The following CSMD3 variants were observed in gnomAD, a reference collection of about 807,000 sequenced individuals.
CSMD3 encodes the protein CUB and sushi domain-containing protein 3.
CSMD3 carries 177 observed loss-of-function variants against 435.2 expected under a neutral mutation model. The observed-to-expected ratio is 0.41, with a 90% CI of 0.36 to 0.46. The LOEUF (loss-of-function observed/expected upper bound fraction) is 0.46, where lower values mean the gene tolerates loss of function less well. Ranked by LOEUF, CSMD3 falls within the 20% of genes least tolerant of loss-of-function variation. The probability of loss-of-function intolerance (pLI) is 0.34; values close to 1 mark genes in which losing one functional copy is unlikely to be tolerated. For synonymous variants in CSMD3, 1,656 were observed against 1,520.5 expected (o/e 1.09, Z -2.07); for missense variants, 4,265 against 4,504.6 (o/e 0.95, Z 1.52).
intron 2 of CSMD3, among the ~76,000 whole-genome samples, chr8:113,303,513 A>G (rs1476880059): frequency 3.3e-5 from 5 of 151,208 alleles, no homozygotes; most frequent in Admixed American, 1.3e-4. Flanking sequence ...TTCAAACTAT[A>G]CTACAAGGCT....
chr8:113,364,931 C>G (rs1242447288), intron 1 of CSMD3, among the ~76,000 whole-genome samples: 1 of 152,058 alleles, frequency 6.6e-6, no homozygotes, highest in Non-Finnish European at 1.5e-5. Context: ...GCTATTTACT[C>G]TGTTATATTC....
chr8:112,893,758 A>G (rs1460676244), intron 10 of CSMD3, among the ~76,000 whole-genome samples: 1 of 151,428 alleles, frequency 6.6e-6, no homozygotes, highest in Non-Finnish European at 1.5e-5. Flanking sequence ...TCTTACATTC[A>G]GTTTAGTTTC....
chr8:112,448,985 G>A (rs1815959135), intron 32 of CSMD3, among the ~76,000 whole-genome samples: 1 of 152,108 alleles, frequency 6.6e-6, no homozygotes, highest in South Asian at 2.1e-4. Context: ...GATACATGTT[G>A]TTTTGTTTGC....
At chr8:112,870,286 T>G (rs1283264790) in intron 10 of CSMD3, among the ~76,000 whole-genome samples, 4 of 151,396 alleles carry the variant, frequency 2.6e-5, no homozygotes, top group Non-Finnish European at 5.9e-5. Flanking sequence ...TTTTTTTTTT[T>G]GAGACGGGGT....
intron 4 of CSMD3, among the ~76,000 whole-genome samples, chr8:113,147,115 A>G (rs2091693894): frequency 6.6e-6 from 1 of 151,678 alleles, no homozygotes; most frequent in Admixed American, 6.6e-5. Context: ...TATGATTAAA[A>G]TCACTCCCTA....
At chr8:112,545,482 C>CAAAAAAAAAAAAA (rs71566032) in intron 27 of CSMD3, among the ~76,000 whole-genome samples, 1 of 26,886 alleles carries the variant, frequency 3.7e-5, no homozygotes, top group African/African-American at 1.5e-4. Flanking sequence ...GACTCCATCT[C>CAAAAAAAAAAAAA]AAAAAAAAAA....
intron 2 of CSMD3, among the ~76,000 whole-genome samples, chr8:113,291,211 GT>G (rs2132530573): frequency 6.6e-6 from 1 of 151,672 alleles, no homozygotes; most frequent in African/African-American, 2.4e-5. Context: ...TGCAATAAAT[GT>G]TTTGCTGTCT....
intron 4 of CSMD3, among the ~76,000 whole-genome samples, chr8:113,154,415 A>G (rs1200498677): frequency 5.9e-5 from 9 of 152,006 alleles, no homozygotes; most frequent in Non-Finnish European, 1.2e-4. Flanking sequence ...ATGCATCACT[A>G]TCACCTAAAA....
chr8:112,756,769 A>T (rs1335301672), intron 13 of CSMD3, among the ~76,000 whole-genome samples: 9 of 139,928 alleles, frequency 6.4e-5, no homozygotes, highest in South Asian at 2.3e-4. Flanking sequence ...TTATGTATTA[A>T]TTTTTTTTTT....
At chr8:112,437,419 G>A (rs1273731891) in intron 32 of CSMD3, among the ~76,000 whole-genome samples, 2 of 151,996 alleles carry the variant, frequency 1.3e-5, no homozygotes, top group Non-Finnish European at 2.9e-5. Context: ...TTCAGAAGAC[G>A]AAATTGCAGA....
chr8:113,119,037 G>A (rs1375313687), intron 4 of CSMD3, among the ~76,000 whole-genome samples: 1 of 152,166 alleles, frequency 6.6e-6, no homozygotes, highest in African/African-American at 2.4e-5. Context: ...AGCCCTGTGA[G>A]AAAGGCAAAG....
intron 3 of CSMD3, among the ~76,000 whole-genome samples, chr8:113,270,160 G>C (rs1370401903): frequency 6.6e-6 from 1 of 152,138 alleles, no homozygotes; most frequent in Non-Finnish European, 1.5e-5. Context: ...GATATGAACA[G>C]ACACTTCTCA....
chr8:113,230,202 G>C lies in CSMD3; in HGVS notation c.514+48390C>G, dbSNP rs146365858. ...ATTAAATAGTTTATCTCAATTGCCA[G>C]ATGTTTTAAAATTGCCTTATGCAGG... On this transcript the variant is annotated intron_variant, in intron 3 of 70. Coordinates refer to ENST00000297405, the MANE Select transcript of CSMD3 (RefSeq NM_198123.2). Among the ~76,000 whole-genome samples the C allele has an allele frequency of 2.6e-5, 4 of 151,626 alleles. No homozygotes were observed. The Admixed American group carries it at 2.6e-4, about 10-fold the overall frequency.
rs539535932 is a variant in CSMD3, at chr8:112,697,919, C to A, written c.1973-7869G>T. ...ATCTCACCGAGTAGACTAAGAAGGA[C>A]AAAAGAAAGAAAAAGTATCCTGAAT... is the stretch of plus-strand genomic sequence containing the variant. On this transcript the variant is annotated intron_variant, in intron 13 of 70. Coordinates refer to ENST00000297405, the MANE Select transcript of CSMD3 (RefSeq NM_198123.2). Among the ~76,000 whole-genome samples the A allele has an allele frequency of 1.8e-3, 268 of 151,908 alleles. 1 individual carries two copies. The highest frequency in any genetic ancestry group is 2.2e-3 in the Non-Finnish European group (152 of 67,948).
intron 14 of CSMD3, among the ~76,000 whole-genome samples, chr8:112,685,997 T>A (rs2076002587): frequency 6.6e-6 from 1 of 152,198 alleles, no homozygotes; most frequent in African/African-American, 2.4e-5. Context: ...ATATCTTGTT[T>A]ATGTTAGACT....
At chr8:112,598,883 G>T (rs1207426969) in intron 22 of CSMD3, among the ~76,000 whole-genome samples, 1 of 152,222 alleles carries the variant, frequency 6.6e-6, no homozygotes, top group Admixed American at 6.5e-5. Flanking sequence ...ATGGATTAAA[G>T]ACTTAAACGT....
intron 40 of CSMD3, 121 bp from the exon 41 acceptor site, chr8:112,346,334 T>C: frequency 1.4e-6 from 1 of 723,722 alleles, no homozygotes; most frequent in Non-Finnish European, 2.5e-6. Context: ...TAAATTTGAA[T>C]ATTGTCTGTT....
intron 3 of CSMD3, among the ~76,000 whole-genome samples, chr8:113,195,020 C>T (rs2092634559): frequency 6.6e-6 from 1 of 151,252 alleles, no homozygotes; most frequent in African/African-American, 2.4e-5. Context: ...CTGTTCTAGT[C>T]CCCACACTCA....
intron 4 of CSMD3, among the ~76,000 whole-genome samples, chr8:113,134,523 C>T (rs2091365353): frequency 6.6e-6 from 1 of 152,084 alleles, no homozygotes; most frequent in South Asian, 2.1e-4. Flanking sequence ...CACAGTCACT[C>T]ATTTATAAGA....
Sources: gnomAD v4.1 joint callset for allele counts (sites outside exome capture counted in the v4.1 genomes callset) on GRCh38, gnomAD v4.1.1 for gene constraint, MANE v1.5 for transcripts, NCBI Gene and HGNC (gene_info 2026-07-23, HGNC 2026-07-21) for gene names.